Variants in CDYL observed in about 807,000 individuals in gnomAD.
CDYL encodes the protein chromodomain Y like.
In CDYL, 8 loss-of-function variants were observed where a neutral mutation model predicts 47.3. The ratio of observed to expected loss-of-function variants is 0.17; its 90% CI spans 0.10 to 0.31. CDYL has a LOEUF of 0.31. CDYL is among the 10% of genes least tolerant of loss of function. The pLI, the probability that CDYL is intolerant of heterozygous loss-of-function variation, is 1.00. For missense variants in CDYL, 471 were observed against 701.4 expected (o/e 0.67, Z 3.71); for synonymous variants, 266 against 265.0 (o/e 1.00, Z -0.04).
chr6:4,919,761 T>A (rs1438893658), intron 2 of CDYL, among the ~76,000 whole-genome samples: 1 of 152,218 alleles, frequency 6.6e-6, no homozygotes, highest in Non-Finnish European at 1.5e-5. Flanking sequence ...AGTTTTATTA[T>A]AATTACTAAT....
intron 4 of CDYL, among the ~76,000 whole-genome samples, chr6:4,940,776 CCCAA>C (rs1758340190): frequency 6.6e-6 from 1 of 152,228 alleles, no homozygotes; most frequent in Non-Finnish European, 1.5e-5. Context: ...GGGGGCCCTG[CCCAA>C]GCAGTGCCCC....
intron 1 of CDYL, among the ~76,000 whole-genome samples, chr6:4,829,822 T>G (rs1561658000): frequency 6.6e-6 from 1 of 152,248 alleles, no homozygotes; most frequent in Non-Finnish European, 1.5e-5. Context: ...TAAGGTTGGC[T>G]GTGCTCCCTC....
chr6:4,886,295 C>T (rs1022275006), intron 1 of CDYL, among the ~76,000 whole-genome samples: 2 of 152,114 alleles, frequency 1.3e-5, no homozygotes, highest in Non-Finnish European at 2.9e-5. Context: ...TAACTCTATT[C>T]GAGGAACAAC....
upstream of CDYL, chr6:4,775,324 C>T (rs933896715): frequency 2.0e-5 from 3 of 152,398 alleles, no homozygotes; most frequent in African/African-American, 4.8e-5. This position sits in a 1 kb window ranked among gnomAD's most constrained non-coding sequence, Gnocchi z 7.0. Context: ...GGTCAGGAAG[C>T]CCCTTCTTTC....
At chr6:4,849,840 A>G (rs1340405801) in intron 1 of CDYL, among the ~76,000 whole-genome samples, 1 of 151,720 alleles carries the variant, frequency 6.6e-6, no homozygotes, top group East Asian at 1.9e-4. Flanking sequence ...GTAGACCACA[A>G]ACACAGAAAG....
chr6:4,760,237 C>A (rs1310111600), intron 3 of CDYL, among the ~76,000 whole-genome samples: 1 of 152,064 alleles, frequency 6.6e-6, no homozygotes, highest in African/African-American at 2.4e-5. Context: ...TTGACCTCAT[C>A]ATTGTTGCTG....
intron 2 of CDYL, among the ~76,000 whole-genome samples, chr6:4,734,171 G>A (rs995157110): frequency 1.3e-5 from 2 of 152,054 alleles, no homozygotes; most frequent in African/African-American, 4.8e-5. Flanking sequence ...TGGCGTTGTC[G>A]GGAAGGGAGG....
intron 2 of CDYL, among the ~76,000 whole-genome samples, chr6:4,923,980 C>T (rs1425771312): frequency 6.6e-6 from 1 of 152,072 alleles, no homozygotes; most frequent in Admixed American, 6.5e-5. Context: ...CCTGGCAATC[C>T]CGTTGCAGAG....
intron 1 of CDYL, 55 bp from the exon 2 acceptor site, chr6:4,891,658 C>G (rs1762045213): frequency 1.4e-6 from 2 of 1,438,080 alleles, no homozygotes; most frequent in African/African-American, 2.9e-5. Context: ...GAAACTTGCA[C>G]TTTTCCCCCC....
intron 1 of CDYL, among the ~76,000 whole-genome samples, chr6:4,859,508 C>A (rs956786069): frequency 3.9e-5 from 6 of 152,138 alleles, no homozygotes; most frequent in Non-Finnish European, 8.8e-5. Flanking sequence ...CACACTCACT[C>A]CCTCTGTAAG....
At chr6:4,748,081 C>T (rs1021821883) in intron 3 of CDYL, among the ~76,000 whole-genome samples, 9 of 152,138 alleles carry the variant, frequency 5.9e-5, no homozygotes, top group African/African-American at 2.2e-4. Context: ...GGGAGCTTCT[C>T]GACACACCAA....
chr6:4,804,050 A>G (rs1305051176), intron 1 of CDYL, among the ~76,000 whole-genome samples: 1 of 148,092 alleles, frequency 6.8e-6, no homozygotes, highest in Non-Finnish European at 1.5e-5. Context: ...ATGTTTTAAG[A>G]GTTTGCTCTC....
intron 4 of CDYL, among the ~76,000 whole-genome samples, chr6:4,938,097 C>T (rs1246802588): frequency 1.3e-5 from 2 of 152,212 alleles, no homozygotes; most frequent in Non-Finnish European, 2.9e-5. Context: ...TATGTTCTGT[C>T]CTCAACCCCT....
intron 1 of CDYL, among the ~76,000 whole-genome samples, chr6:4,871,752 A>G (rs1761481018): frequency 6.6e-6 from 1 of 152,164 alleles, no homozygotes; most frequent in African/African-American, 2.4e-5. Flanking sequence ...TTTAGAAGAA[A>G]TACAAAGGGG....
intron 3 of CDYL, among the ~76,000 whole-genome samples, chr6:4,736,411 T>G (rs1409309574): frequency 6.6e-6 from 1 of 152,098 alleles, no homozygotes; most frequent in Non-Finnish European, 1.5e-5. Flanking sequence ...ATAGTGAAAA[T>G]AAGGATGGAA....
intron 4 of CDYL, among the ~76,000 whole-genome samples, chr6:4,941,189 G>C (rs1457362090): frequency 2.0e-5 from 3 of 152,196 alleles, no homozygotes; most frequent in Non-Finnish European, 2.9e-5. Context: ...GCAAACATTT[G>C]AGTGTTCATA....
rs138664183 is a variant in CDYL at position 4,952,479 on chromosome 6, A to G, written c.1476+70A>G. The stretch of plus-strand genomic sequence containing the variant: ...AAACTTTTCCCTCAGAGAGCTCACA[A>G]ATTTGCAATTATTCCTAAGTCCTTT... On this transcript the variant is annotated intron_variant, in intron 6 of 6. Coordinates refer to ENST00000397588, the MANE Select transcript of CDYL (RefSeq NM_004824.4). 1.7e-3 allele frequency: 2,663 copies of G among 1,522,134 alleles called. 13 individuals are homozygous for G. The highest frequency in any genetic ancestry group is 6.5e-3 in the Middle Eastern group (36 of 5,538). 94.3% of individuals were successfully genotyped at this position (1,522,134 alleles called of 1,614,324 possible).
At chr6:4,706,676 T>G (rs1757052377) in intron 1 of CDYL, among the ~76,000 whole-genome samples, 1 of 152,068 alleles carries the variant, frequency 6.6e-6, no homozygotes, top group Non-Finnish European at 1.5e-5. Flanking sequence ...GTAATTCCAG[T>G]TACTCTGGAG....
At chr6:4,918,599 A>G (rs1757622763) in intron 2 of CDYL, among the ~76,000 whole-genome samples, 1 of 152,226 alleles carries the variant, frequency 6.6e-6, no homozygotes, top group Non-Finnish European at 1.5e-5. Flanking sequence ...TTAGTTTGTC[A>G]AAAGTAAAAC....
Sources: gnomAD v4.1 joint callset for allele counts (sites outside exome capture counted in the v4.1 genomes callset) on GRCh38, gnomAD v4.1.1 for gene constraint, Gnocchi (gnomAD v3.1) non-coding constraint, MANE v1.5 for transcripts, NCBI Gene and HGNC (gene_info 2026-07-23, HGNC 2026-07-21) for gene names.